The following BYSL variants were observed in gnomAD, a reference collection of about 807,000 sequenced individuals.
BYSL encodes bystin like.
In BYSL, 21 loss-of-function variants were observed where a neutral mutation model predicts 45.4. The observed-to-expected ratio is 0.46, with a 90% CI of 0.33 to 0.67. The LOEUF (loss-of-function observed/expected upper bound fraction) is 0.67. BYSL is among the 30% of genes least tolerant of loss of function. The pLI, the probability that BYSL is intolerant of heterozygous loss-of-function variation, is 0.02. For missense variants in BYSL, 522 were observed against 578.5 expected, an observed-to-expected ratio of 0.90 and a Z score of 1.00; for synonymous variants, 215 against 231.3, an observed-to-expected ratio of 0.93 and a Z score of 0.64.
the BYSL span, chr6:41,909,649 G>C: frequency 7.4e-7 from 1 of 1,359,140 alleles, no homozygotes; most frequent in Middle Eastern, 2.0e-4. Context: ...TTCTTGGTTG[G>C]GGGTGAGGGG....
intron 2 of BYSL, among the ~76,000 whole-genome samples, chr6:41,929,678 A>T (rs1190185992): frequency 6.6e-6 from 1 of 152,256 alleles, no homozygotes; most frequent in African/African-American, 2.4e-5. Context: ...GATAACGCTT[A>T]CTGTGTACTG....
the BYSL span, among the ~76,000 whole-genome samples, chr6:41,913,832 A>T: frequency 6.6e-6 from 1 of 152,150 alleles, no homozygotes; most frequent in Non-Finnish European, 1.5e-5. Context: ...TGGGAGGTGG[A>T]GGTTGCAGTG....
upstream of BYSL, chr6:41,920,904 A>C: frequency 1.4e-6 from 2 of 1,455,416 alleles, no homozygotes; most frequent in Non-Finnish European, 9.3e-7. Flanking sequence ...ACCCGAGGAC[A>C]TCTCCCTCAG....
chr6:41,913,356 G>C, the BYSL span, among the ~76,000 whole-genome samples: 1 of 152,170 alleles, frequency 6.6e-6, no homozygotes, highest in African/African-American at 2.4e-5. Context: ...CCATGAAGGC[G>C]TGCTGTCTCC....
At chr6:41,921,982 C>A in intron 1 of BYSL, 152 bp downstream of exon 1, 1 of 1,201,662 alleles carries the variant, frequency 8.3e-7, no homozygotes, top group Non-Finnish European at 1.1e-6. Context: ...TAGAGCCCTC[C>A]GCGTCCACTC....
At chr6:41,927,739 T>C (rs1256474704) in intron 2 of BYSL, 6 of 573,512 alleles carry the variant, frequency 1.0e-5, no homozygotes, top group Non-Finnish European at 1.8e-5. Flanking sequence ...TGTGTCCTTA[T>C]GTCCATTTGT....
chr6:41,910,635 AAAAAAAAAAG>A, the BYSL span, among the ~76,000 whole-genome samples: 40 of 151,468 alleles, frequency 2.6e-4, no homozygotes, highest in African/African-American at 9.4e-4. Flanking sequence ...CTATCTCCAA[AAAAAAAAAAG>A]AAAAAAAAAG....
chr6:41,925,836 G>A lies in BYSL; in HGVS notation c.269-1538G>A, dbSNP rs180676966. On this transcript the variant is annotated intron_variant, in intron 1 of 6. Transcript: ENST00000230340. ...CAAGTAGCTGGGATTATAGGCATGC[G>A]CCACCAAGCCCGGCTAATTTTGTAT... Among the ~76,000 whole-genome samples the A allele has an allele frequency of 7.3e-3, 1,105 of 151,966 alleles. 17 individuals are homozygous for A. Among genetic ancestry groups the A allele is most frequent in the African/African-American group, 0.025 (1,032 of 41,438 alleles).
At chr6:41,920,043 G>A (rs770966388), upstream of BYSL, among the ~76,000 whole-genome samples, 2 of 152,160 alleles carry the variant, frequency 1.3e-5, no homozygotes, top group South Asian at 2.1e-4. Context: ...CACATCTACT[G>A]AGATAAGAAA....
At chr6:41,916,692 C>G (rs995469708), upstream of BYSL, 3 of 1,491,382 alleles carry the variant, frequency 2.0e-6, no homozygotes, top group Non-Finnish European at 2.8e-6. Context: ...AAGAATACCA[C>G]CTTTAGCAGA....
rs762589874 is a variant in BYSL, at chr6:41,927,436, G to C, written c.331G>C (p.Ala111Pro). The C allele has an allele frequency of 1.9e-6, 3 of 1,614,026 alleles. No homozygotes were observed. Among genetic ancestry groups the C allele is most frequent in the East Asian group, 2.2e-5 (1 of 44,896 alleles). ...EDEEWPTLEKAATMTAAGHHA... is the reference protein window; with the variant it reads ...EDEEWPTLEKPATMTAAGHHA... ...CGAGGAGTGGCCCACCCTGGAGAAG[G>C]CTGCCACAATGACAGCAGCGGGCCA... Residue 111 changes from alanine (A) to proline (P), a missense_variant, in exon 2 of 7, where the codon GCT becomes CCT. Ala to Pro is a conservative substitution (Grantham distance 27). Transcript: ENST00000230340.
At chr6:41,910,919 G>A in the BYSL span, among the ~76,000 whole-genome samples, 20 of 151,618 alleles carry the variant, frequency 1.3e-4, no homozygotes, top group Non-Finnish European at 2.8e-4. Flanking sequence ...GACCAGCCTG[G>A]CCAACATGGT....
intron 1 of BYSL, among the ~76,000 whole-genome samples, chr6:41,922,738 A>T (rs892970051): frequency 6.6e-6 from 1 of 152,222 alleles, no homozygotes; most frequent in Non-Finnish European, 1.5e-5. Context: ...CTTCCATGAA[A>T]TCCAGATTCT....
chr6:41,932,885 C>T lies in BYSL; in HGVS notation c.*179C>T. ...AAGGACTGAGGGTCTGGCTGGTTCC[C>T]TCTTCCATTCTAGGCCCTTATCCCT... is the stretch of plus-strand genomic sequence containing the variant. On this transcript the variant is annotated 3_prime_UTR_variant, in exon 7 of 7. Coordinates refer to ENST00000230340, the MANE Select transcript of BYSL (RefSeq NM_004053.4). The surrounding 1 kb of genome is among the most constrained non-coding windows in gnomAD (Gnocchi z 4.7). 2 of 679,992 alleles carry T rather than the reference C, an allele frequency of 2.9e-6. No individual in the cohort carries two copies. The highest frequency in any genetic ancestry group is 4.0e-5 in the South Asian group (2 of 50,422). The allele number at this position is 679,992 out of a possible 1,614,324, so 42.1% of individuals were successfully genotyped here.
At chr6:41,910,039 A>C in the BYSL span, among the ~76,000 whole-genome samples, 1 of 152,302 alleles carries the variant, frequency 6.6e-6, no homozygotes, top group East Asian at 1.9e-4. Context: ...GTGTCTGAGC[A>C]TAAGCAGGGA....
intron 2 of BYSL, among the ~76,000 whole-genome samples, chr6:41,929,261 C>A (rs1775603745): frequency 6.6e-6 from 1 of 152,152 alleles, no homozygotes; most frequent in South Asian, 2.1e-4. Context: ...GTAATCTTAG[C>A]ACTTTGGGAC....
chr6:41,921,944 A>C, intron 1 of BYSL, 114 bp downstream of exon 1: 1 of 1,398,654 alleles, frequency 7.1e-7, no homozygotes, highest in East Asian at 2.5e-5. Flanking sequence ...GGTCCGTATT[A>C]CACTTGCAAA....
upstream of BYSL, chr6:41,920,899 AGGACATCTCCCTCAGCTCCCAGAGGACG>A (rs1348447289): frequency 1.4e-6 from 2 of 1,446,840 alleles, no homozygotes; most frequent in African/African-American, 2.9e-5. Context: ...ACACAACCCG[AGGACATCTCCCTCAGCTCCCAGAGGACG>A]GCGGACCATG....
intron 1 of BYSL, among the ~76,000 whole-genome samples, chr6:41,924,449 G>T (rs542880355): frequency 6.6e-6 from 1 of 152,134 alleles, no homozygotes; most frequent in Non-Finnish European, 1.5e-5. Context: ...GATTGGGTGC[G>T]TTCAGGGTGG....
Sources: gnomAD v4.1 joint callset for allele counts (sites outside exome capture counted in the v4.1 genomes callset) on GRCh38, gnomAD v4.1.1 for gene constraint, Gnocchi (gnomAD v3.1) non-coding constraint, MANE v1.5 for transcripts, NCBI Gene and HGNC (gene_info 2026-07-23, HGNC 2026-07-21) for gene names.